The following SLC39A11 variants were observed in gnomAD, a reference collection of about 807,000 sequenced individuals.
SLC39A11 encodes solute carrier family 39 member 11.
Under a neutral mutation model 36.1 loss-of-function variants are expected in SLC39A11, and 33 were observed. The ratio of observed to expected loss-of-function variants is 0.91; its 90% CI spans 0.69 to 1.22. The LOEUF (loss-of-function observed/expected upper bound fraction) is 1.22. Ranked by LOEUF, SLC39A11 falls within the 50% of genes most tolerant of loss-of-function variation. The pLI, the probability that SLC39A11 is intolerant of heterozygous loss-of-function variation, is 0.00. For missense variants in SLC39A11, 432 were observed against 430.3 expected, an observed-to-expected ratio of 1.00 and a Z score of -0.03; for synonymous variants, 166 against 170.3, an observed-to-expected ratio of 0.97 and a Z score of 0.20.
intron 7 of SLC39A11, among the ~76,000 whole-genome samples, chr17:72,664,362 C>G (rs1344723709): frequency 6.6e-6 from 1 of 152,176 alleles, no homozygotes; most frequent in Non-Finnish European, 1.5e-5. Context: ...CCACATAAAA[C>G]TGCAGAAGGC....
chr17:72,753,702 C>T (rs550194122), intron 6 of SLC39A11, among the ~76,000 whole-genome samples: 9 of 151,600 alleles, frequency 5.9e-5, no homozygotes, highest in South Asian at 4.2e-4. Flanking sequence ...TTCAGGGAGG[C>T]GGGTTGACAT....
chr17:73,005,300 G>A (rs1309839455), intron 4 of SLC39A11, among the ~76,000 whole-genome samples: 3 of 152,130 alleles, frequency 2.0e-5, no homozygotes, highest in Non-Finnish European at 4.4e-5. Context: ...GTTTTGTTAA[G>A]CCTGAACCCA....
At chr17:72,697,189 C>G (rs1431074274) in intron 7 of SLC39A11, among the ~76,000 whole-genome samples, 2 of 152,156 alleles carry the variant, frequency 1.3e-5, no homozygotes, top group African/African-American at 4.8e-5. Flanking sequence ...ATCAGGTGAT[C>G]CCCCCATGTC....
chr17:72,884,990 A>G (rs1241277058), intron 5 of SLC39A11, among the ~76,000 whole-genome samples: 1 of 152,244 alleles, frequency 6.6e-6, no homozygotes, highest in Non-Finnish European at 1.5e-5. Context: ...TCATCCCTTT[A>G]AAAGGCCTGT....
At chr17:72,692,914 C>T (rs938963646) in intron 7 of SLC39A11, among the ~76,000 whole-genome samples, 9 of 152,274 alleles carry the variant, frequency 5.9e-5, no homozygotes, top group Admixed American at 5.9e-4. Context: ...GGGGCTCAGA[C>T]CTAACCAGGG....
intron 5 of SLC39A11, among the ~76,000 whole-genome samples, chr17:72,932,130 T>C (rs984564654): frequency 6.6e-6 from 1 of 152,074 alleles, no homozygotes; most frequent in African/African-American, 2.4e-5. Context: ...ATTGAGAGCA[T>C]ACAATATACT....
intron 5 of SLC39A11, among the ~76,000 whole-genome samples, chr17:72,896,091 A>G (rs2082011596): frequency 6.6e-6 from 1 of 151,286 alleles, no homozygotes; most frequent in Admixed American, 6.6e-5. Flanking sequence ...TTCTGGTTAT[A>G]TGATTTTTGT....
intron 7 of SLC39A11, among the ~76,000 whole-genome samples, chr17:72,697,784 C>A (rs1482488073): frequency 1.4e-5 from 2 of 148,076 alleles, no homozygotes; most frequent in African/African-American, 4.9e-5. Flanking sequence ...TCCATAAATG[C>A]TCCTATGTCT....
chr17:72,957,257 ACCTGCAATGT>A (rs2086297109), intron 4 of SLC39A11, among the ~76,000 whole-genome samples: 1 of 152,162 alleles, frequency 6.6e-6, no homozygotes, highest in African/African-American at 2.4e-5. Context: ...TGTTGGGAGG[ACCTGCAATGT>A]CACATTGTCA....
chr17:72,682,792 C>T (rs1460797750), intron 7 of SLC39A11, among the ~76,000 whole-genome samples: 1 of 152,254 alleles, frequency 6.6e-6, no homozygotes, highest in Non-Finnish European at 1.5e-5. Context: ...CACGTGGAGA[C>T]TCTACTATCT....
At chr17:72,915,284 C>T (rs1798009411) in intron 5 of SLC39A11, among the ~76,000 whole-genome samples, 1 of 152,152 alleles carries the variant, frequency 6.6e-6, no homozygotes, top group Admixed American at 6.5e-5. Flanking sequence ...CACCATCCAC[C>T]CAGGCCCAGG....
At chr17:72,989,284 T>C (rs955881537) in intron 4 of SLC39A11, among the ~76,000 whole-genome samples, 2 of 152,278 alleles carry the variant, frequency 1.3e-5, no homozygotes, top group Non-Finnish European at 2.9e-5. Flanking sequence ...ATCTTGGCTG[T>C]ATTTCACAGA....
chr17:72,774,743 A>G lies in SLC39A11; in HGVS notation c.602-38024T>C, dbSNP rs7226195. Among the ~76,000 whole-genome samples, 704 of 152,352 alleles carry G rather than the reference A, an allele frequency of 4.6e-3. 8 individuals carry two copies. Among genetic ancestry groups the G allele is most frequent in the African/African-American group, 0.016 (680 of 41,584 alleles). On this transcript the variant is annotated intron_variant, in intron 6 of 9. Transcript: ENST00000255559. ...AAAAAATTAAAAAACTTATTTGAAG[A>G]GGAAATAGTGGCTTCTAGTTAGAGC... is the stretch of plus-strand genomic sequence containing the variant.
chr17:72,662,198 T>C (rs73343590), intron 7 of SLC39A11, among the ~76,000 whole-genome samples: 7,813 of 152,094 alleles, frequency 0.051, 212 homozygotes, highest in Middle Eastern at 0.075. Context: ...GCCCAGGAGT[T>C]TGAGGCTGTA....
At chr17:72,792,005 T>C (rs2076722152) in intron 6 of SLC39A11, among the ~76,000 whole-genome samples, 1 of 152,236 alleles carries the variant, frequency 6.6e-6, no homozygotes, top group South Asian at 2.1e-4. Flanking sequence ...TAACTTCTCA[T>C]TTCTCAGAGA....
At chr17:72,761,978 G>A (rs939725388) in intron 6 of SLC39A11, among the ~76,000 whole-genome samples, 11 of 152,236 alleles carry the variant, frequency 7.2e-5, no homozygotes, top group Non-Finnish European at 1.5e-4. Flanking sequence ...GGGACAGCAA[G>A]TATAGACAGA....
intron 4 of SLC39A11, among the ~76,000 whole-genome samples, chr17:72,955,198 T>C (rs922770792): frequency 6.6e-6 from 1 of 151,280 alleles, no homozygotes; most frequent in Non-Finnish European, 1.5e-5. Flanking sequence ...AGCTCCTTCC[T>C]CCAGGAAGCC....
chr17:72,902,103 C>T (rs1598348044), intron 5 of SLC39A11, among the ~76,000 whole-genome samples: 1 of 152,000 alleles, frequency 6.6e-6, no homozygotes, highest in Non-Finnish European at 1.5e-5. Context: ...AAAACCCCGT[C>T]TCTACTAAAA....
intron 5 of SLC39A11, among the ~76,000 whole-genome samples, chr17:72,896,917 G>T (rs2082057761): frequency 1.3e-5 from 2 of 151,928 alleles, no homozygotes; most frequent in African/African-American, 4.8e-5. Context: ...GCTGGGCGTG[G>T]TGGCGGGCAC....
Sources: allele counts gnomAD v4.1 joint callset (sites outside exome capture counted in the v4.1 genomes callset), GRCh38; gene constraint gnomAD v4.1.1; transcripts MANE v1.5; gene names NCBI Gene and HGNC (gene_info 2026-07-23, HGNC 2026-07-21).